Variants in ACVR1 observed in about 807,000 individuals in gnomAD.
The protein encoded by ACVR1 is activin receptor type-1.
In ACVR1, 38 loss-of-function variants were observed where a neutral mutation model predicts 57.1. That is an observed-to-expected ratio of 0.67 (90% confidence interval 0.51 to 0.87). The LOEUF (loss-of-function observed/expected upper bound fraction) is 0.87. Ranked by LOEUF, ACVR1 falls within the 40% of genes least tolerant of loss-of-function variation. The probability of loss-of-function intolerance (pLI) is 0.00; values close to 1 mark genes in which losing one functional copy is unlikely to be tolerated. For missense variants in ACVR1, 463 were observed against 638.2 expected (o/e 0.73, Z 2.96); for synonymous variants, 212 against 228.1 (o/e 0.93, Z 0.63).
chr2:157,862,333 C>G (rs1689748853), intron 1 of ACVR1, among the ~76,000 whole-genome samples: 1 of 151,354 alleles, frequency 6.6e-6, no homozygotes, highest in Admixed American at 6.6e-5. Context: ...ATTTTGTGTA[C>G]TCTCTATAGT....
chr2:157,821,236 G>A (rs1688149485), intron 1 of ACVR1, among the ~76,000 whole-genome samples: 1 of 152,174 alleles, frequency 6.6e-6, no homozygotes, highest in South Asian at 2.1e-4. Flanking sequence ...ATTAAAATCA[G>A]TGCTATTGTT....
chr2:157,761,194 T>TG, intron 8 of ACVR1, 117 bp from the exon 9 acceptor site: 1 of 899,926 alleles, frequency 1.1e-6, no homozygotes, highest in Non-Finnish European at 1.8e-6. Context: ...GGGTCACTGT[T>TG]GCAATACACT....
chr2:157,745,201 G>C (rs1574009848), intron 9 of ACVR1, among the ~76,000 whole-genome samples: 1 of 152,186 alleles, frequency 6.6e-6, no homozygotes. Context: ...CAATATTACT[G>C]TAAGTTGTCA....
Position 157,736,704 on chromosome 2 carries a change from C to A in ACVR1, c.*827G>T. 3.0e-6 allele frequency: 1 copy of A among 336,474 alleles called. No homozygotes were observed. Among genetic ancestry groups the A allele is most frequent in the South Asian group, 1.4e-4 (1 of 7,102 alleles). The allele number at this position is 336,474 out of a possible 1,614,324, so 20.8% of individuals were successfully genotyped here. On this transcript the variant is annotated 3_prime_UTR_variant, in exon 11 of 11. Coordinates refer to ENST00000434821, the MANE Select transcript of ACVR1 (RefSeq NM_001111067.4). Reference sequence around the variant, plus strand: ...ATATGAACTGAAAAAAAGTTACAGTCTACACACATACAAATGTGAAGCACT... The same window carrying A: ...ATATGAACTGAAAAAAAGTTACAGTATACACACATACAAATGTGAAGCACT...
intron 9 of ACVR1, among the ~76,000 whole-genome samples, chr2:157,748,644 C>A (rs1338164623): frequency 7.4e-5 from 11 of 147,852 alleles, no homozygotes; most frequent in Non-Finnish European, 1.5e-4. Context: ...AAAAAAAAAA[C>A]AACTTTAAAA....
intron 1 of ACVR1, among the ~76,000 whole-genome samples, chr2:157,855,301 T>C (rs1412884746): frequency 1.2e-5 from 1 of 82,354 alleles, no homozygotes; most frequent in African/African-American, 4.7e-5. Context: ...TGTGTGTGTG[T>C]GTGTGTGTAT....
chr2:157,859,166 T>C (rs1388383746), intron 1 of ACVR1, among the ~76,000 whole-genome samples: 1 of 152,122 alleles, frequency 6.6e-6, no homozygotes, highest in Admixed American at 6.6e-5. Flanking sequence ...CGGCACAAGA[T>C]GCGGGTCATA....
intron 9 of ACVR1, among the ~76,000 whole-genome samples, chr2:157,742,997 A>G (rs1684837329): frequency 6.6e-6 from 1 of 152,020 alleles, no homozygotes; most frequent in East Asian, 1.9e-4. Flanking sequence ...CGTCCATGGG[A>G]GCCCACTCCC....
At chr2:157,743,229 G>A (rs1181752275) in intron 9 of ACVR1, among the ~76,000 whole-genome samples, 1 of 152,046 alleles carries the variant, frequency 6.6e-6, no homozygotes, top group East Asian at 1.9e-4. Flanking sequence ...TCAACCCACA[G>A]ATGACTCAAT....
At chr2:157,808,483 G>C (rs545202453) in intron 2 of ACVR1, among the ~76,000 whole-genome samples, 2 of 152,234 alleles carry the variant, frequency 1.3e-5, no homozygotes, top group South Asian at 4.2e-4. Context: ...TTTGTAACTT[G>C]GATTCCAGTT....
intron 1 of ACVR1, among the ~76,000 whole-genome samples, chr2:157,832,688 C>T (rs984404923): frequency 2.0e-5 from 3 of 152,174 alleles, no homozygotes; most frequent in African/African-American, 7.2e-5. Context: ...ATTTGGGTTA[C>T]TATTAATTAG....
intron 1 of ACVR1, among the ~76,000 whole-genome samples, chr2:157,851,556 T>C (rs984182006): frequency 6.6e-6 from 1 of 152,144 alleles, no homozygotes; most frequent in Middle Eastern, 3.4e-3. Context: ...TCTAATCACA[T>C]AAAAATACTA....
At position 157,738,452 on chromosome 2, in the gene ACVR1, C is replaced by T; in HGVS notation, c.1383G>A (p.Trp461Ter). The T allele has an allele frequency of 6.2e-7, 1 of 1,614,080 alleles. No individual in the cohort carries two copies. Among genetic ancestry groups the T allele is most frequent in the Non-Finnish European group, 8.5e-7 (1 of 1,179,954 alleles). ...CTGGCATTCTTACCGGGTCTGAGAA[C>T]CATCTGTTGGGTATGTTTGGCCTTT... Reference protein sequence around the residue: ...DQQRPNIPNRWFSDPTLTSLA... With the variant: ...DQQRPNIPNR The change falls in exon 10 of 11, where the codon TGG becomes TGA. Residue 461 changes from tryptophan (W) to a stop codon, truncating the protein, a stop_gained. Transcript: ENST00000434821. LOFTEE classifies it high-confidence loss of function.
At chr2:157,801,275 T>C (rs1318889806) in intron 2 of ACVR1, among the ~76,000 whole-genome samples, 1 of 152,180 alleles carries the variant, frequency 6.6e-6, no homozygotes, top group Non-Finnish European at 1.5e-5. Flanking sequence ...ACATGATTTA[T>C]TTACAGAGTA....
chr2:157,854,458 C>G (rs1319759163), intron 1 of ACVR1, among the ~76,000 whole-genome samples: 4 of 152,284 alleles, frequency 2.6e-5, no homozygotes, highest in Admixed American at 2.6e-4. Flanking sequence ...TGCAGTGGCT[C>G]ACGCCTGTAA....
intron 2 of ACVR1, among the ~76,000 whole-genome samples, chr2:157,807,582 T>C (rs1687596617): frequency 6.6e-6 from 1 of 151,908 alleles, no homozygotes; most frequent in Non-Finnish European, 1.5e-5. Flanking sequence ...TTTTTACCTA[T>C]TGGTAGGAAA....
intron 1 of ACVR1, chr2:157,826,736 GAAA>G (rs2105338705): frequency 2.2e-5 from 2 of 91,962 alleles, no homozygotes; most frequent in Non-Finnish European, 4.1e-5. Context: ...GAAAGGAAAG[GAAA>G]GGAAAGGAAA....
intron 1 of ACVR1, among the ~76,000 whole-genome samples, chr2:157,842,505 C>A (rs935460051): frequency 7.9e-5 from 12 of 152,160 alleles, no homozygotes; most frequent in African/African-American, 2.4e-4. Flanking sequence ...TACATTCAGG[C>A]AGAAAACTCC....
chr2:157,817,288 A>G (rs771596207), intron 2 of ACVR1, among the ~76,000 whole-genome samples: 11 of 152,102 alleles, frequency 7.2e-5, no homozygotes, highest in Non-Finnish European at 1.3e-4. Context: ...CTTTCAAAGC[A>G]CTCCACGGGA....
Sources: gnomAD v4.1 joint callset for allele counts (sites outside exome capture counted in the v4.1 genomes callset) on GRCh38, gnomAD v4.1.1 for gene constraint, MANE v1.5 for transcripts, NCBI Gene and HGNC (gene_info 2026-07-23, HGNC 2026-07-21) for gene names.